The following NSMAF variants were observed in gnomAD, a reference collection of about 807,000 sequenced individuals.
NSMAF encodes the protein protein FAN.
Under a neutral mutation model 134.9 loss-of-function variants are expected in NSMAF, and 90 were observed. The ratio of observed to expected loss-of-function variants is 0.67; its 90% CI spans 0.56 to 0.79. The LOEUF (loss-of-function observed/expected upper bound fraction) is 0.79. Ranked by LOEUF, NSMAF falls within the 30% of genes least tolerant of loss-of-function variation. The pLI is 0.00. For synonymous variants in NSMAF, 358 were observed against 389.6 expected (o/e 0.92, Z 0.96); for missense variants, 1,010 against 1,119.0 (o/e 0.90, Z 1.39).
intron 1 of NSMAF, among the ~76,000 whole-genome samples, chr8:58,643,549 T>G (rs576467932): frequency 0.042 from 5,855 of 137,842 alleles, 123 homozygotes; most frequent in Non-Finnish European, 0.048. Flanking sequence ...TTTTTTTTTT[T>G]GGGACGGAGT....
chr8:58,659,457 C>A (rs1405506822), intron 1 of NSMAF, 116 bp downstream of exon 1: 1 of 1,494,818 alleles, frequency 6.7e-7, no homozygotes, highest in Admixed American at 2.1e-5. Flanking sequence ...GCGTCCGGCC[C>A]CTGCCTCCGT....
intron 23 of NSMAF, 99 bp downstream of exon 23, chr8:58,594,133 C>A: frequency 1.1e-6 from 1 of 921,508 alleles, no homozygotes; most frequent in Non-Finnish European, 1.8e-6. Flanking sequence ...TATGTGGAGG[C>A]AGCACATGCA....
At chr8:58,594,404 A>G in intron 22 of NSMAF, 114 bp from the exon 23 acceptor site, 3 of 913,598 alleles carry the variant, frequency 3.3e-6, no homozygotes, top group Non-Finnish European at 5.2e-6. Flanking sequence ...TCTTCACAGC[A>G]TGTCTGCCGG....
chr8:58,630,290 A>G (rs1191831261), intron 6 of NSMAF, among the ~76,000 whole-genome samples: 1 of 150,680 alleles, frequency 6.6e-6, no homozygotes, highest in Non-Finnish European at 1.5e-5. Flanking sequence ...CTATTCTGCC[A>G]TCTTGCTGCT....
chr8:58,635,338 T>C lies in NSMAF; in HGVS notation c.263A>G (p.His88Arg), dbSNP rs1807146787. 5 of 1,609,078 alleles carry C rather than the reference T, an allele frequency of 3.1e-6. No homozygotes were observed. The highest frequency in any genetic ancestry group is 4.5e-5 in the East Asian group (2 of 44,766). Reference sequence around the variant, plus strand: ...GTGTCTATTGGCTCCATTTTCTCCATGCTTTCCTATTTTTATACAGTCTCT... The same window carrying C: ...GTGTCTATTGGCTCCATTTTCTCCACGCTTTCCTATTTTTATACAGTCTCT... ...PLRDCIKIGK[H>R]GENGANRHFT... The change falls in exon 4 of 31, where the codon CAT (histidine) becomes CGT (arginine). Residue 88 changes from histidine to arginine, a missense_variant. Coordinates refer to ENST00000038176, the MANE Select transcript of NSMAF (RefSeq NM_003580.4).
intron 21 of NSMAF, 27 bp from the exon 22 acceptor site, chr8:58,595,686 T>G: frequency 1.5e-6 from 1 of 683,664 alleles, no homozygotes; most frequent in South Asian, 2.3e-5. Flanking sequence ...AAATTTTTGC[T>G]AAGTCAACTA....
At chr8:58,640,115 T>C (rs1229820350) in intron 2 of NSMAF, 6 of 455,422 alleles carry the variant, frequency 1.3e-5, no homozygotes, top group Admixed American at 2.4e-5. Context: ...GCAGATTTAA[T>C]GTAGAGTTAT....
intron 16 of NSMAF, among the ~76,000 whole-genome samples, chr8:58,600,452 A>G (rs111551809): frequency 0.032 from 4,921 of 151,914 alleles, 98 homozygotes; most frequent in Non-Finnish European, 0.045. Context: ...GTGAAACCTC[A>G]TCTCTACTAA....
chr8:58,658,147 T>A (rs960881499), intron 1 of NSMAF, among the ~76,000 whole-genome samples: 1 of 152,172 alleles, frequency 6.6e-6, no homozygotes, highest in African/African-American at 2.4e-5. Flanking sequence ...TAAATATGAA[T>A]GTTCACCCAC....
At chr8:58,627,357 C>T (rs577157685) in intron 6 of NSMAF, among the ~76,000 whole-genome samples, 1 of 152,188 alleles carries the variant, frequency 6.6e-6, no homozygotes, top group South Asian at 2.1e-4. Context: ...AATGGAAGTC[C>T]TAGCCACAGC....
intron 12 of NSMAF, among the ~76,000 whole-genome samples, 171 bp from the exon 13 acceptor site, chr8:58,603,557 A>C (rs1348110264): frequency 1.3e-5 from 2 of 152,242 alleles, no homozygotes; most frequent in Admixed American, 6.5e-5. Flanking sequence ...AGCTATGTAT[A>C]AACAGTTCCA....
At chr8:58,599,454 G>C (rs776401860) in intron 18 of NSMAF, 91 bp from the exon 19 acceptor site, 30 of 1,369,446 alleles carry the variant, frequency 2.2e-5, no homozygotes, top group African/African-American at 5.8e-5. Context: ...AAAGCTTCTA[G>C]GACAGGCAAG....
At chr8:58,597,122 C>G (rs1806154388) in intron 21 of NSMAF, among the ~76,000 whole-genome samples, 1 of 152,084 alleles carries the variant, frequency 6.6e-6, no homozygotes, top group African/African-American at 2.4e-5. Flanking sequence ...AGAAAGAGAA[C>G]CACATCAAAA....
chr8:58,587,814 A>G (rs1805925462), intron 26 of NSMAF, 113 bp from the exon 27 acceptor site: 4 of 858,242 alleles, frequency 4.7e-6, no homozygotes, highest in Non-Finnish European at 7.4e-6. Flanking sequence ...ACTTGCCAAT[A>G]AAGTTAAGCT....
At chr8:58,629,236 T>C (rs1807003640) in intron 6 of NSMAF, among the ~76,000 whole-genome samples, 2 of 152,212 alleles carry the variant, frequency 1.3e-5, no homozygotes, top group South Asian at 2.1e-4. Context: ...TTCTTTTTTC[T>C]CTTAGCTCCC....
At chr8:58,600,109 T>C (rs553764594) in intron 16 of NSMAF, 88 bp from the exon 17 acceptor site, 2 of 900,488 alleles carry the variant, frequency 2.2e-6, no homozygotes, top group African/African-American at 1.7e-5. Flanking sequence ...GTTCTACACT[T>C]TACCTGTATT....
chr8:58,603,484 G>C (rs1471752612), intron 12 of NSMAF, 98 bp from the exon 13 acceptor site: 8 of 1,103,940 alleles, frequency 7.2e-6, no homozygotes, highest in Non-Finnish European at 1.0e-5. Flanking sequence ...GTGCATTCTT[G>C]AAAAATGCAT....
At chr8:58,601,730 G>A (rs1386922496) in intron 14 of NSMAF, among the ~76,000 whole-genome samples, 195 bp from the exon 15 acceptor site, 1 of 152,116 alleles carries the variant, frequency 6.6e-6, no homozygotes, top group South Asian at 2.1e-4. Flanking sequence ...AAGTATTTTG[G>A]TTTCCCTGGC....
chr8:58,596,967 G>A (rs986069378), intron 21 of NSMAF, among the ~76,000 whole-genome samples: 35 of 150,930 alleles, frequency 2.3e-4, no homozygotes, highest in Admixed American at 6.6e-5. Flanking sequence ...TGTGGGTATA[G>A]AAGAGCATAA....
Sources: allele counts gnomAD v4.1 joint callset (sites outside exome capture counted in the v4.1 genomes callset), GRCh38; gene constraint gnomAD v4.1.1; transcripts MANE v1.5; gene names NCBI Gene and HGNC (gene_info 2026-07-23, HGNC 2026-07-21).